Variants in PDIA6 observed in about 807,000 individuals in gnomAD.
PDIA6 encodes the protein protein disulfide-isomerase A6.
Under a neutral mutation model 58.4 loss-of-function variants are expected in PDIA6, and 29 were observed. The observed-to-expected ratio is 0.50, with a 90% CI of 0.37 to 0.68. The LOEUF is 0.68. Ranked by LOEUF, PDIA6 falls within the 30% of genes least tolerant of loss-of-function variation. PDIA6 has a pLI of 0.00. For missense variants in PDIA6, 480 were observed against 551.0 expected (o/e 0.87, Z 1.29); for synonymous variants, 192 against 202.6 (o/e 0.95, Z 0.44).
chr2:10,812,377 CG>C (rs2148566515), intron 1 of PDIA6, among the ~76,000 whole-genome samples: 1 of 135,534 alleles, frequency 7.4e-6, no homozygotes. Flanking sequence ...GGGATCCGGC[CG>C]GGGCTGGGCT....
Position 10,784,325 on chromosome 2 carries a change from A to G in PDIA6, c.1256T>C (p.Leu419Pro). 1 of 1,612,390 alleles carries G rather than the reference A, an allele frequency of 6.2e-7. No individual in the cohort carries two copies. The highest frequency in any genetic ancestry group is 8.5e-7 in the Non-Finnish European group (1 of 1,179,446). The change falls in exon 13 of 13, where the codon CTT (leucine) becomes CCT (proline). Residue 419 changes from leucine (L) to proline (P), a missense_variant and splice_region_variant. Coordinates refer to ENST00000272227, the MANE Select transcript of PDIA6 (RefSeq NM_005742.4). ...GAGGTCAATGTCATCCTCCACGGGA[A>G]GCTGGGAGACGACAGAAAGCCACTG... is the stretch of plus-strand genomic sequence containing the variant. ...REPWDGRDGE[L>P]PVEDDIDLSD...
chr2:10,816,392 A>T (rs1194995129), upstream of PDIA6, among the ~76,000 whole-genome samples: 28 of 144,704 alleles, frequency 1.9e-4, no homozygotes, highest in South Asian at 4.3e-4. Context: ...GGCCTGTATC[A>T]TTTTTTTTTT....
rs1370946571 is a variant in PDIA6 at position 10,784,035 on chromosome 2, T to C, written c.*223A>G. ...TTCTTCAAAATATTATGTGACAGAA[T>C]ACGACTCAATTCACCGGCTACAACA... On this transcript the variant is annotated 3_prime_UTR_variant, in exon 13 of 13. Transcript: ENST00000272227. The C allele has an allele frequency of 2.6e-6, 1 of 383,488 alleles. No individual in the cohort carries two copies. Among genetic ancestry groups the C allele is most frequent in the Non-Finnish European group, 4.6e-6 (1 of 215,436 alleles). The allele number at this position is 383,488 out of a possible 1,614,324, so 23.8% of individuals were successfully genotyped here.
intron 1 of PDIA6, among the ~76,000 whole-genome samples, chr2:10,831,715 G>A (rs746684238): frequency 2.6e-5 from 4 of 151,988 alleles, no homozygotes; most frequent in Non-Finnish European, 4.4e-5. Flanking sequence ...CTCCTTCATC[G>A]CGTGATTGTG....
At chr2:10,812,936 G>T, upstream of PDIA6, 3 of 772,264 alleles carry the variant, frequency 3.9e-6, no homozygotes, top group Non-Finnish European at 3.3e-6. Context: ...TACCGGTTTG[G>T]TTTTTTTTCA....
Position 10,812,741 on chromosome 2 carries a change from C to T in PDIA6, c.-45G>A, listed in dbSNP as rs1367417056. The T allele has an allele frequency of 1.4e-6, 2 of 1,449,182 alleles. No individual in the cohort carries two copies. The highest frequency in any genetic ancestry group is 2.6e-5 in the Admixed American group (1 of 38,432). 89.8% of individuals were successfully genotyped at this position (1,449,182 alleles called of 1,614,324 possible). Reference sequence around the variant, plus strand: ...GCAGTCCCCACCGCCGCCGCCGCTTCAGCCCTGCAGCGTGCCGCACGCCGC... The same window carrying T: ...GCAGTCCCCACCGCCGCCGCCGCTTTAGCCCTGCAGCGTGCCGCACGCCGC... On this transcript the variant is annotated 5_prime_UTR_variant, in exon 1 of 13. Coordinates refer to ENST00000272227, the MANE Select transcript of PDIA6 (RefSeq NM_005742.4).
chr2:10,831,748 G>C (rs1194903964), intron 1 of PDIA6, among the ~76,000 whole-genome samples: 2 of 152,134 alleles, frequency 1.3e-5, no homozygotes, highest in Non-Finnish European at 2.9e-5. Flanking sequence ...TCTAGGGCCT[G>C]ACAGGATGCA....
chr2:10,801,262 T>A (rs115204141), intron 2 of PDIA6, among the ~76,000 whole-genome samples: 1 of 152,112 alleles, frequency 6.6e-6, no homozygotes, highest in Non-Finnish European at 1.5e-5. Flanking sequence ...TGGGAGAAAG[T>A]GAGACCCTGT....
At chr2:10,792,014 C>G (rs756933209) in intron 5 of PDIA6, 89 bp from the exon 6 acceptor site, 1 of 1,378,082 alleles carries the variant, frequency 7.3e-7, no homozygotes, top group Non-Finnish European at 9.9e-7. Flanking sequence ...TACATCTTAA[C>G]AAAGTTTTAG....
intron 10 of PDIA6, among the ~76,000 whole-genome samples, chr2:10,788,145 G>T (rs190278906): frequency 6.6e-6 from 1 of 151,350 alleles, no homozygotes; most frequent in African/African-American, 2.4e-5. Context: ...TAACTCAGAA[G>T]AGGAGAAGGA....
chr2:10,787,497 A>G, intron 10 of PDIA6, 58 bp from the exon 11 acceptor site: 1 of 1,467,804 alleles, frequency 6.8e-7, no homozygotes, highest in Non-Finnish European at 9.3e-7. Flanking sequence ...TTACGATCTA[A>G]CTAGAAGATC....
rs1165272080 is a variant in PDIA6 at position 10,797,725 on chromosome 2, C to G, written c.194G>C (p.Trp65Ser). 3 of 1,613,084 alleles carry G rather than the reference C, an allele frequency of 1.9e-6. No individual in the cohort carries two copies. The highest frequency in any genetic ancestry group is 2.5e-6 in the Non-Finnish European group (3 of 1,179,670). ...TTTTAATGCAGTTGCTGCTTTCTTC[C>G]ATTCTGGTGTTAATCTTTGACAGTG... ...CGHCQRLTPE[W>S]KKAATALKDV... The change falls in exon 3 of 13, where the codon TGG (tryptophan) becomes TCG (serine). Residue 65 changes from tryptophan (W) to serine (S), a missense_variant. Transcript: ENST00000272227.
chr2:10,818,494 A>ATTTC (rs1558460338), intron 2 of PDIA6, among the ~76,000 whole-genome samples: 1 of 117,678 alleles, frequency 8.5e-6, no homozygotes, highest in Non-Finnish European at 1.9e-5. Flanking sequence ...TTATTTATTT[A>ATTTC]TTTATTTATT....
chr2:10,831,305 C>G (rs758633162), intron 1 of PDIA6, among the ~76,000 whole-genome samples: 2 of 152,216 alleles, frequency 1.3e-5, no homozygotes, highest in Non-Finnish European at 2.9e-5. Context: ...ACGGCACTCT[C>G]TTGACTCGGG....
At chr2:10,789,706 G>A (rs1233740165) in intron 8 of PDIA6, 43 bp downstream of exon 8, 24 of 1,588,676 alleles carry the variant, frequency 1.5e-5, no homozygotes, top group Non-Finnish European at 2.0e-5. Context: ...CTCACCATCA[G>A]CTAAAAAAGC....
chr2:10,831,288 G>A (rs1205531492), intron 1 of PDIA6, among the ~76,000 whole-genome samples: 2 of 152,230 alleles, frequency 1.3e-5, no homozygotes, highest in Non-Finnish European at 2.9e-5. Context: ...CGTGCACATT[G>A]TAGTCTACGG....
chr2:10,817,392 G>T (rs1407206019), upstream of PDIA6, among the ~76,000 whole-genome samples: 1 of 152,202 alleles, frequency 6.6e-6, no homozygotes, highest in African/African-American at 2.4e-5. Flanking sequence ...AGTCACTCAG[G>T]TCATCTTTCT....
chr2:10,807,689 G>A (rs1168853004), intron 1 of PDIA6, among the ~76,000 whole-genome samples: 4 of 152,200 alleles, frequency 2.6e-5, no homozygotes, highest in Non-Finnish European at 4.4e-5. Context: ...GAATTTGGAA[G>A]ATTTCAAATG....
At chr2:10,821,150 G>A (rs1667378878) in intron 1 of PDIA6, 1 of 308,824 alleles carries the variant, frequency 3.2e-6, no homozygotes, top group Non-Finnish European at 6.1e-6. Context: ...TGGCCCAGCT[G>A]AAATCCACCT....
Sources: allele counts gnomAD v4.1 joint callset (sites outside exome capture counted in the v4.1 genomes callset), GRCh38; gene constraint gnomAD v4.1.1; transcripts MANE v1.5; gene names NCBI Gene and HGNC (gene_info 2026-07-23, HGNC 2026-07-21).